Variants in TCIRG1 observed in about 807,000 individuals in gnomAD.
The protein encoded by TCIRG1 is V-type proton ATPase 116 kDa subunit a 3.
A neutral mutation model predicts 95.5 loss-of-function variants in TCIRG1; 86 were observed. That is an observed-to-expected ratio of 0.90 (90% confidence interval 0.76 to 1.08). The LOEUF (loss-of-function observed/expected upper bound fraction) is 1.08. Among genes scored for constraint, TCIRG1 ranks in the 50% least tolerant of loss-of-function variants. The pLI is 0.00. For synonymous variants in TCIRG1, 499 were observed against 501.3 expected (o/e 1.00, Z 0.06); for missense variants, 1,069 against 1,140.2 (o/e 0.94, Z 0.90).
rs1855717006 is a variant in TCIRG1, at chr11:68,050,056, A to C, written c.2108A>C (p.Glu703Ala). The C allele has an allele frequency of 6.2e-7, 1 of 1,613,164 alleles. No individual in the cohort carries two copies. Among genetic ancestry groups the C allele is most frequent in the African/African-American group, 1.3e-5 (1 of 74,908 alleles). ...EEKAGGLDDE[E>A]EAELVPSEVL... The stretch of plus-strand genomic sequence containing the variant: ...AAGGCAGGGGGCCTGGATGATGAAG[A>C]GGAGGCCGAGGTGGGTGCAGTGCCT... The change falls in exon 17 of 20, where the codon GAG becomes GCG. Residue 703 changes from glutamate to alanine, a missense_variant. Physicochemically the swap from Glu to Ala is moderately radical, Grantham distance 107. Transcript: ENST00000265686.
At chr11:68,053,640 T>C, downstream of TCIRG1, 2 of 241,384 alleles carry the variant, frequency 8.3e-6, no homozygotes, top group South Asian at 1.3e-4. Flanking sequence ...TTAACCAAAG[T>C]ACCTGCAAGT....
intron 1 of TCIRG1, chr11:68,039,994 T>C (rs527992170): frequency 2.6e-5 from 4 of 152,456 alleles, no homozygotes; most frequent in Admixed American, 2.6e-4. Flanking sequence ...AGCTCACCCT[T>C]TGTGCTGGGC....
chr11:68,042,880 G>A lies in TCIRG1; in HGVS notation c.417+17G>A. The A allele has an allele frequency of 2.6e-6, 4 of 1,550,012 alleles. No individual in the cohort carries two copies. The highest frequency in any genetic ancestry group is 2.6e-6 in the Non-Finnish European group (3 of 1,146,730). On this transcript the variant is annotated intron_variant, in intron 4 of 19. Transcript: ENST00000265686. The stretch of plus-strand genomic sequence containing the variant: ...GAACCTCAGGTCAGCTCCCACCCAG[G>A]CAGGAGACTGGGGGGCTGGGGAGGG...
Position 68,047,934 on chromosome 11 carries a change from G to C in TCIRG1, c.1516G>C (p.Gly506Arg). 6.2e-7 allele frequency: 1 copy of C among 1,613,820 alleles called. No individual in the cohort carries two copies. Among genetic ancestry groups the C allele is most frequent in the South Asian group, 1.1e-5 (1 of 91,084 alleles). The change falls in exon 13 of 20, where the codon GGT becomes CGT. Residue 506 changes from glycine (G) to arginine (R), a missense_variant. Gly to Arg is a moderately radical substitution (Grantham distance 125, BLOSUM62 -2). Coordinates refer to ENST00000265686, the MANE Select transcript of TCIRG1 (RefSeq NM_006019.4). ...TMLTLDPNVT[G>R]VFLGPYPFGI... ...GCTTACCCTGGATCCCAACGTCACC[G>C]GTGTCTTCCTGGGACCCTACCCCTT... is the stretch of plus-strand genomic sequence containing the variant.
chr11:68,049,539 G>A, intron 15 of TCIRG1, 124 bp from the exon 16 acceptor site: 3 of 1,359,332 alleles, frequency 2.2e-6, no homozygotes, highest in Non-Finnish European at 2.0e-6. Context: ...AGGGCACGGA[G>A]CCCCCGGGGG....
At chr11:68,041,004 C>T (rs2134429692) in intron 1 of TCIRG1, among the ~76,000 whole-genome samples, 1 of 152,220 alleles carries the variant, frequency 6.6e-6, no homozygotes, top group East Asian at 1.9e-4. Flanking sequence ...GAGGTAGGGG[C>T]GGGGGTCCCC....
chr11:68,052,501 A>G (rs1182096236), downstream of TCIRG1: 1 of 152,212 alleles, frequency 6.6e-6, no homozygotes, highest in Admixed American at 6.5e-5. Context: ...TGCTTCATTC[A>G]GTTTGGCTTC....
intron 9 of TCIRG1, 141 bp from the exon 10 acceptor site, chr11:68,044,817 C>T (rs1231834273): frequency 2.9e-6 from 3 of 1,052,082 alleles, no homozygotes; most frequent in Admixed American, 2.0e-5. Context: ...CAGGGCTGAT[C>T]ATCTCACGTC....
rs1424965947 is a variant in TCIRG1 at position 68,049,655 on chromosome 11, C to T, written c.1888-8C>T. ...GGGACGCCCTGACTCTCGCCCTCTC[C>T]CTGGCAGGAGGTGGTCCAGGCCACG... On this transcript the variant is annotated splice_polypyrimidine_tract_variant and splice_region_variant and intron_variant, in intron 15 of 19. Transcript: ENST00000265686. 1 of 1,599,930 alleles carries T rather than the reference C, an allele frequency of 6.3e-7. No homozygotes were observed.
chr11:68,041,462 T>C (rs1855158628), intron 2 of TCIRG1, 74 bp downstream of exon 2: 2 of 1,114,150 alleles, frequency 1.8e-6, no homozygotes, highest in Non-Finnish European at 2.7e-6. Context: ...GGATGGGGAC[T>C]GCCCCCCCTC....
chr11:68,049,877 C>A, intron 16 of TCIRG1, 85 bp from the exon 17 acceptor site: 1 of 1,557,344 alleles, frequency 6.4e-7, no homozygotes. Flanking sequence ...CTGACAGACT[C>A]CTGAGTGGCC....
rs1855292466 is a variant in TCIRG1, at chr11:68,043,593, C to A, written c.653C>A (p.Thr218Asn). 6.2e-7 allele frequency: 1 copy of A among 1,610,924 alleles called. No homozygotes were observed. Among genetic ancestry groups the A allele is most frequent in the South Asian group, 1.1e-5 (1 of 90,606 alleles). Residue 218 changes from threonine to asparagine, a missense_variant, in exon 7 of 20, where the codon ACC (threonine) becomes AAC (asparagine). By Grantham distance (65) the Thr-to-Asn change is moderately conservative. Transcript: ENST00000265686. Reference protein sequence around the residue: ...PVTGEPATWMTFLISYWGEQI... With the variant: ...PVTGEPATWMNFLISYWGEQI... The stretch of plus-strand genomic sequence containing the variant: ...CAGGGCGAGCCAGCCACGTGGATGA[C>A]CTTCCTCATCTCCTACTGGGGTGAG...
intron 16 of TCIRG1, 38 bp downstream of exon 16, chr11:68,049,826 G>T: frequency 6.4e-7 from 1 of 1,558,382 alleles, no homozygotes; most frequent in East Asian, 2.3e-5. Flanking sequence ...GCTGCTTGCG[G>T]GGAGAGGCCA....
At chr11:68,043,976 C>G (rs1253602688) in intron 8 of TCIRG1, 69 bp downstream of exon 8, 3 of 1,380,514 alleles carry the variant, frequency 2.2e-6, no homozygotes, top group Admixed American at 2.0e-5. Flanking sequence ...GAGGTGGGTG[C>G]AGGAGGTGGG....
At chr11:68,045,978 G>A (rs537983552) in intron 10 of TCIRG1, among the ~76,000 whole-genome samples, 6 of 152,300 alleles carry the variant, frequency 3.9e-5, no homozygotes, top group South Asian at 2.1e-4. Flanking sequence ...GCTTCTGCAG[G>A]GCCAGTGTCC....
Position 68,042,970 on chromosome 11 carries a change from G to T in TCIRG1, c.442G>T (p.Ala148Ser), listed in dbSNP as rs1186529106. Residue 148 changes from alanine to serine, a missense_variant, in exon 5 of 20, where the codon GCC becomes TCC. Ala to Ser is a moderately conservative substitution (Grantham distance 99). Transcript: ENST00000265686. The part of the protein sequence containing the change: ...PQLAAAHTDG[A>S]SERTPLLQAP... ...GCTGGCAGCCGCCCACACAGATGGG[G>T]CCTCAGAGAGGACGCCCCTGCTCCA... is the stretch of plus-strand genomic sequence containing the variant. 6.4e-7 allele frequency: 1 copy of T among 1,555,278 alleles called. No individual in the cohort carries two copies. The highest frequency in any genetic ancestry group is 8.7e-7 in the Non-Finnish European group (1 of 1,149,524).
At position 68,044,774 on chromosome 11, in the gene TCIRG1, ATGTGG is replaced by A. The variant is rs772730728; in HGVS notation, c.1021-180_1021-176del. On this transcript the variant is annotated intron_variant, in intron 9 of 19. Coordinates refer to ENST00000265686, the MANE Select transcript of TCIRG1 (RefSeq NM_006019.4). ...GCCTTTCCCAAGCAATTGCCAATCC[ATGTGG>A]TGTCTTTGGGCCCCCACCAGGGCAG... is the stretch of plus-strand genomic sequence containing the variant. The A allele has an allele frequency of 2.7e-5, 20 of 728,634 alleles. No individual in the cohort carries two copies. In the African/African-American group the frequency reaches 3.0e-4, roughly 11 times the overall value. 45.1% of individuals were successfully genotyped at this position (728,634 alleles called of 1,614,324 possible).
chr11:68,050,921 T>A, downstream of TCIRG1: 1 of 1,333,938 alleles, frequency 7.5e-7, no homozygotes, highest in South Asian at 1.2e-5. Context: ...TCTTCCCTCC[T>A]TTTTAGCTGA....
At position 68,049,665 on chromosome 11, in the gene TCIRG1, G is replaced by A. The variant is rs1354243333; in HGVS notation, c.1890G>A (p.Glu630=). The A allele has an allele frequency of 6.2e-7, 1 of 1,600,590 alleles. No homozygotes were observed. Among genetic ancestry groups the A allele is most frequent in the South Asian group, 1.1e-5 (1 of 90,430 alleles). ...PSNRLLYPRQ[E]VVQATLVVLA... is the part of the protein sequence containing the mutation. ...GACTCTCGCCCTCTCCCTGGCAGGA[G>A]GTGGTCCAGGCCACGCTGGTGGTCC... Residue 630 remains glutamate (E), a splice_region_variant and synonymous_variant, in exon 16 of 20, where the codon GAG becomes GAA. Coordinates refer to ENST00000265686, the MANE Select transcript of TCIRG1 (RefSeq NM_006019.4).
Sources: allele counts gnomAD v4.1 joint callset (sites outside exome capture counted in the v4.1 genomes callset), GRCh38; gene constraint gnomAD v4.1.1; transcripts MANE v1.5; gene names NCBI Gene and HGNC (gene_info 2026-07-23, HGNC 2026-07-21).